The following CD109 variants were observed in gnomAD, a reference collection of about 807,000 sequenced individuals.
CD109 encodes the protein CD109 antigen.
In CD109, 149 loss-of-function variants were observed where a neutral mutation model predicts 165.8. The ratio of observed to expected loss-of-function variants is 0.90; its 90% CI spans 0.79 to 1.03. The LOEUF (loss-of-function observed/expected upper bound fraction) is 1.03, where lower values mean the gene tolerates loss of function less well. Ranked by LOEUF, CD109 falls within the 50% of genes least tolerant of loss-of-function variation. The pLI is 0.00. For synonymous variants in CD109, 585 were observed against 592.1 expected, an observed-to-expected ratio of 0.99 and a Z score of 0.18; for missense variants, 1,712 against 1,677.8, an observed-to-expected ratio of 1.02 and a Z score of -0.36.
the CD109 span, among the ~76,000 whole-genome samples, chr6:73,690,576 T>G: frequency 6.6e-6 from 1 of 152,168 alleles, no homozygotes; most frequent in Non-Finnish European, 1.5e-5. Flanking sequence ...TAATTTTGTA[T>G]TTTTAGTAGA....
intron 1 of CD109, among the ~76,000 whole-genome samples, chr6:73,696,499 C>T (rs1770848901): frequency 6.6e-6 from 1 of 152,236 alleles, no homozygotes; most frequent in Non-Finnish European, 1.5e-5. Flanking sequence ...ACTTTCTCCA[C>T]TCATGAAGTT....
At position 73,808,150 on chromosome 6, in the gene CD109, A is replaced by G. The variant is rs767941521; in HGVS notation, c.3257A>G (p.Asn1086Ser). The change falls in exon 26 of 33, where the codon AAT becomes AGT. Residue 1086 changes from asparagine (N) to serine (S), a missense_variant. Transcript: ENST00000287097. ...GAATTCAGTAGAGGAATTTCAGACA[A>G]TTATACTCTAGCCCTTATAACTTAT... ...ESEFSRGISD[N>S]YTLALITYAL... The G allele has an allele frequency of 1.2e-6, 2 of 1,613,560 alleles. No homozygotes were observed. The highest frequency in any genetic ancestry group is 1.7e-6 in the Non-Finnish European group (2 of 1,179,650).
At chr6:73,680,777 C>T in the CD109 span, among the ~76,000 whole-genome samples, 1 of 152,216 alleles carries the variant, frequency 6.6e-6, no homozygotes, top group Non-Finnish European at 1.5e-5. Context: ...TTCTACCTCT[C>T]ATTCCAATCT....
intron 2 of CD109, among the ~76,000 whole-genome samples, chr6:73,711,116 A>G (rs902893417): frequency 2.0e-5 from 3 of 152,202 alleles, no homozygotes; most frequent in Admixed American, 2.0e-4. Flanking sequence ...CTGCCATTAA[A>G]AATGCCCTGT....
At chr6:73,750,424 T>C (rs1773147064) in intron 5 of CD109, among the ~76,000 whole-genome samples, 1 of 152,030 alleles carries the variant, frequency 6.6e-6, no homozygotes, top group South Asian at 2.1e-4. Flanking sequence ...GGGCAAGAGA[T>C]TCAGAGAGAG....
chr6:73,683,903 A>T, the CD109 span, among the ~76,000 whole-genome samples: 2 of 152,210 alleles, frequency 1.3e-5, no homozygotes, highest in South Asian at 4.1e-4. Flanking sequence ...ACCTGCTCCC[A>T]TGATTCAATT....
intron 23 of CD109, among the ~76,000 whole-genome samples, chr6:73,800,666 C>T (rs1434682296): frequency 6.6e-6 from 1 of 152,112 alleles, no homozygotes; most frequent in Non-Finnish European, 1.5e-5. Flanking sequence ...TGAGTTTCTC[C>T]TGTTATGAAG....
chr6:73,796,800 G>T (rs753329487), intron 23 of CD109, among the ~76,000 whole-genome samples: 6 of 152,172 alleles, frequency 3.9e-5, no homozygotes, highest in Non-Finnish European at 7.3e-5. Flanking sequence ...TCTCTTAGCA[G>T]CTAAGAAATG....
chr6:73,755,679 T>C (rs192289655), intron 5 of CD109, among the ~76,000 whole-genome samples: 1 of 152,068 alleles, frequency 6.6e-6, no homozygotes, highest in Admixed American at 6.6e-5. Flanking sequence ...ATATGAAGAG[T>C]TGACTGGGCA....
chr6:73,749,016 T>TA (rs1182896075), intron 5 of CD109, among the ~76,000 whole-genome samples: 2 of 152,304 alleles, frequency 1.3e-5, no homozygotes, highest in Non-Finnish European at 2.9e-5. Context: ...TGATTGCTAT[T>TA]ACGTAGGCAA....
At chr6:73,706,002 G>A (rs1771252905) in intron 2 of CD109, among the ~76,000 whole-genome samples, 1 of 152,082 alleles carries the variant, frequency 6.6e-6, no homozygotes, top group East Asian at 1.9e-4. Flanking sequence ...ATAATTCCTG[G>A]GTTAGAAGTG....
intron 2 of CD109, among the ~76,000 whole-genome samples, chr6:73,707,885 C>T (rs548618762): frequency 6.7e-6 from 1 of 149,032 alleles, no homozygotes; most frequent in Admixed American, 6.7e-5. Flanking sequence ...ACATAAAAGA[C>T]ACCTAATTTA....
chr6:73,736,340 A>T (rs372383018), intron 4 of CD109, 43 bp from the exon 5 acceptor site: 1 of 1,605,690 alleles, frequency 6.2e-7, no homozygotes, highest in South Asian at 1.1e-5. Flanking sequence ...ACACATGCAC[A>T]TGGGCAGCCT....
At chr6:73,776,732 A>G (rs1443342182) in intron 15 of CD109, among the ~76,000 whole-genome samples, 1 of 148,822 alleles carries the variant, frequency 6.7e-6, no homozygotes, top group African/African-American at 2.5e-5. Flanking sequence ...TGATTTTTGT[A>G]TTTTAATAGA....
rs1175385138 is a variant in CD109, at chr6:73,730,348, C to A, written c.281C>A (p.Pro94His). ...SFKTLTLPSLPLNSADEIYEL... is the reference protein window; with the variant it reads ...SFKTLTLPSLHLNSADEIYEL... Reference sequence around the variant, plus strand: ...GTGATCTCTTTTTCCCCCCAGCTACCTCTGAACAGTGCAGATGAGATTTAT... The same window carrying A: ...GTGATCTCTTTTTCCCCCCAGCTACATCTGAACAGTGCAGATGAGATTTAT... Residue 94 changes from proline to histidine, a missense_variant, in exon 4 of 33, where the codon CCT (proline) becomes CAT (histidine). Physicochemically the swap from Pro to His is moderately conservative, Grantham distance 77 (BLOSUM62 -2). Coordinates refer to ENST00000287097, the MANE Select transcript of CD109 (RefSeq NM_133493.5). The A allele has an allele frequency of 6.2e-7, 1 of 1,605,976 alleles. No individual in the cohort carries two copies. The highest frequency in any genetic ancestry group is 2.2e-5 in the East Asian group (1 of 44,822).
chr6:73,706,292 G>A (rs1430196687), intron 2 of CD109, among the ~76,000 whole-genome samples: 1 of 152,142 alleles, frequency 6.6e-6, no homozygotes, highest in Non-Finnish European at 1.5e-5. Flanking sequence ...GATCTTCCCT[G>A]GTGGTGCCCT....
At chr6:73,723,981 T>G (rs1772049016) in intron 3 of CD109, among the ~76,000 whole-genome samples, 1 of 152,138 alleles carries the variant, frequency 6.6e-6, no homozygotes, top group Non-Finnish European at 1.5e-5. Flanking sequence ...TGCTCCTCAG[T>G]TTCCTTGTGC....
upstream of CD109, chr6:73,693,972 A>G (rs1770740812): frequency 6.6e-6 from 1 of 150,932 alleles, no homozygotes; most frequent in Non-Finnish European, 1.5e-5. Context: ...TGCAACCTCC[A>G]ACGCCCAGGT....
intron 4 of CD109, among the ~76,000 whole-genome samples, chr6:73,734,311 G>T (rs1305682162): frequency 2.0e-5 from 3 of 152,098 alleles, no homozygotes; most frequent in Non-Finnish European, 4.4e-5. Flanking sequence ...AGAAATGTAT[G>T]CCCTCACTAC....
Sources: gnomAD v4.1 joint callset for allele counts (sites outside exome capture counted in the v4.1 genomes callset) on GRCh38, gnomAD v4.1.1 for gene constraint, MANE v1.5 for transcripts, NCBI Gene and HGNC (gene_info 2026-07-23, HGNC 2026-07-21) for gene names.